GOT1: variants seen among roughly 807,000 people sequenced by gnomAD.
The protein encoded by GOT1 is aspartate aminotransferase, cytoplasmic.
GOT1 carries 25 observed loss-of-function variants against 48.2 expected under a neutral mutation model. The ratio of observed to expected loss-of-function variants is 0.52; its 90% CI spans 0.38 to 0.72. The LOEUF is 0.72. GOT1 is among the 30% of genes least tolerant of loss of function. The pLI is 0.00. For missense variants in GOT1, 380 were observed against 520.1 expected (o/e 0.73, Z 2.62); for synonymous variants, 188 against 193.8 (o/e 0.97, Z 0.25).
At position 99,430,577 on chromosome 10, in the gene GOT1, A is replaced by T; in HGVS notation, c.-12T>A. The T allele has an allele frequency of 2.5e-6, 4 of 1,572,526 alleles. No homozygotes were observed. Among genetic ancestry groups the T allele is most frequent in the Non-Finnish European group, 3.5e-6 (4 of 1,155,132 alleles). ...GACGGAGGTGCCATATCGAGAGACT[A>T]GGAATCAAGAGATTTCACCCCACGC... On this transcript the variant is annotated 5_prime_UTR_variant, in exon 1 of 9. Transcript: ENST00000370508.
chr10:99,405,948 A>G (rs2032749682), intron 4 of GOT1, 88 bp from the exon 5 acceptor site: 1 of 841,220 alleles, frequency 1.2e-6, no homozygotes. Context: ...GATGGAGGGC[A>G]AAGGGCAACC....
intron 2 of GOT1, among the ~76,000 whole-genome samples, chr10:99,418,494 C>CT (rs11394746): frequency 0.88 from 123,199 of 140,608 alleles, 54,020 homozygotes; most frequent in Admixed American, 0.92. Context: ...TCCCCACTTT[C>CT]TTTTTTTTTT....
At chr10:99,401,849 C>G (rs2032683463) in intron 8 of GOT1, among the ~76,000 whole-genome samples, 1 of 150,950 alleles carries the variant, frequency 6.6e-6, no homozygotes, top group African/African-American at 2.4e-5. Flanking sequence ...GCTCTGTCGC[C>G]CAGGCTGGAG....
chr10:99,428,748 G>A (rs2134112554), intron 1 of GOT1, among the ~76,000 whole-genome samples: 1 of 152,306 alleles, frequency 6.6e-6, no homozygotes, highest in Non-Finnish European at 1.5e-5. Context: ...TGGAGGTTTT[G>A]GACTGGTTTT....
intron 1 of GOT1, chr10:99,430,196 C>CT: frequency 9.9e-7 from 1 of 1,008,182 alleles, no homozygotes; most frequent in South Asian, 1.4e-5. Context: ...ATCGGAAAGA[C>CT]TGAGTTTGTG....
intron 2 of GOT1, among the ~76,000 whole-genome samples, chr10:99,407,783 T>TGTTATTTA (rs2032780469): frequency 6.7e-6 from 1 of 148,688 alleles, no homozygotes; most frequent in Non-Finnish European, 1.5e-5. Flanking sequence ...AAAAGCCATA[T>TGTTATTTA]TTTATTTATT....
Position 99,403,836 on chromosome 10 carries a change from C to A in GOT1, c.681G>T (p.Gln227His). The A allele has an allele frequency of 6.2e-7, 1 of 1,614,036 alleles. No individual in the cohort carries two copies. Among genetic ancestry groups the A allele is most frequent in the Non-Finnish European group, 8.5e-7 (1 of 1,180,016 alleles). Residue 227 changes from glutamine to histidine, a missense_variant, in exon 6 of 9, where the codon CAG (glutamine) becomes CAT (histidine). Coordinates refer to ENST00000370508, the MANE Select transcript of GOT1 (RefSeq NM_002079.3). ...FLFPFFDSAY[Q>H]GFASGNLERD... Reference sequence around the variant, plus strand: ...TCTCCAGGTTTCCAGATGCGAAGCCCTGATAGGCTGAGTCAAAGAAGGGGA... The same window carrying A: ...TCTCCAGGTTTCCAGATGCGAAGCCATGATAGGCTGAGTCAAAGAAGGGGA...
At chr10:99,406,917 T>C (rs1287637269) in intron 2 of GOT1, 68 bp from the exon 3 acceptor site, 11 of 1,491,392 alleles carry the variant, frequency 7.4e-6, no homozygotes, top group African/African-American at 6.9e-5. Flanking sequence ...AAAAATAAGG[T>C]AATAATGAGC....
At chr10:99,402,773 C>A in intron 7 of GOT1, 51 bp from the exon 8 acceptor site, 1 of 1,493,146 alleles carries the variant, frequency 6.7e-7, no homozygotes, top group Non-Finnish European at 9.3e-7. Context: ...AAAGATGGTA[C>A]CCGAAAACAC....
At chr10:99,427,241 A>G (rs2033050270) in intron 1 of GOT1, among the ~76,000 whole-genome samples, 1 of 152,084 alleles carries the variant, frequency 6.6e-6, no homozygotes, top group East Asian at 1.9e-4. Flanking sequence ...GTTGACTTTT[A>G]GTACAGTAGA....
rs368064630 is a variant in GOT1, at chr10:99,401,815, C to CT, written c.1102+764dup. ...TCCAACCACCAATCTAGGTTCTTTT[C>CT]TTTTTTTTTTGAGACGGAGTCTCGC... On this transcript the variant is annotated intron_variant, in intron 8 of 8. Coordinates refer to ENST00000370508, the MANE Select transcript of GOT1 (RefSeq NM_002079.3). Among the ~76,000 whole-genome samples the CT allele has an allele frequency of 7.7e-3, 1,133 of 147,926 alleles. 11 individuals are homozygous for CT. The highest frequency in any genetic ancestry group is 0.022 in the African/African-American group (878 of 40,494).
rs1269797636 is a variant in GOT1 at position 99,420,716 on chromosome 10, C to T, written c.208G>A (p.Glu70Lys). ...KIANDNSLNH[E>K]YLPILGLAEF... Reference sequence around the variant, plus strand: ...GCCAGGCCCAGGATTGGCAGATACTCGTGATTTAGGCTATTGTCATTAGCA... The same window carrying T: ...GCCAGGCCCAGGATTGGCAGATACTTGTGATTTAGGCTATTGTCATTAGCA... Residue 70 changes from glutamate (E) to lysine (K), a missense_variant, in exon 2 of 9, where the codon GAG (glutamate) becomes AAG (lysine). By Grantham distance (56) the Glu-to-Lys change is moderately conservative. Coordinates refer to ENST00000370508, the MANE Select transcript of GOT1 (RefSeq NM_002079.3). 7 of 1,613,862 alleles carry T rather than the reference C, an allele frequency of 4.3e-6. No individual in the cohort carries two copies. The highest frequency in any genetic ancestry group is 1.1e-5 in the South Asian group (1 of 91,078).
chr10:99,419,082 T>C (rs1009846217), intron 2 of GOT1, among the ~76,000 whole-genome samples: 1 of 152,190 alleles, frequency 6.6e-6, no homozygotes, highest in Admixed American at 6.5e-5. Context: ...GTGCAACCTT[T>C]ATTGTCCTCT....
rs2032618962 is a variant in GOT1 at position 99,397,685 on chromosome 10, G to A, written c.1104C>T (p.Pro368=). 1 of 1,614,020 alleles carries A rather than the reference G, an allele frequency of 6.2e-7. No homozygotes were observed. Residue 368 remains proline, a splice_region_variant and synonymous_variant, in exon 9 of 9, where the codon CCC becomes CCT. Transcript: ENST00000370508. The surrounding 1 kb of genome is among the most constrained non-coding windows in gnomAD (Gnocchi z 5.4). ...IGMFSFTGLN[P]KQVEYLVNEK... ...CATTGACCAGATACTCAACCTGCTTGGCTGTTGAAAACCAAAAGAAGACAT... is the reference window on the plus strand; with the variant it reads ...CATTGACCAGATACTCAACCTGCTTAGCTGTTGAAAACCAAAAGAAGACAT...
chr10:99,398,488 G>A (rs146513853), intron 8 of GOT1, among the ~76,000 whole-genome samples: 288 of 152,170 alleles, frequency 1.9e-3, no homozygotes, highest in Middle Eastern at 6.8e-3. Context: ...TGGCCAACAT[G>A]CTGAGACCCA....
intron 2 of GOT1, among the ~76,000 whole-genome samples, chr10:99,418,893 C>A (rs2032932988): frequency 1.3e-5 from 2 of 152,184 alleles, no homozygotes; most frequent in South Asian, 4.1e-4. Flanking sequence ...GATTAATAAT[C>A]TCTATACTCT....
At chr10:99,415,558 T>G (rs1022661643) in intron 2 of GOT1, among the ~76,000 whole-genome samples, 1 of 152,066 alleles carries the variant, frequency 6.6e-6, no homozygotes, top group Non-Finnish European at 1.5e-5. Flanking sequence ...TTCCAATCAA[T>G]AGAAAAAGAG....
At chr10:99,415,816 T>C (rs372259067) in intron 2 of GOT1, among the ~76,000 whole-genome samples, 30 of 152,126 alleles carry the variant, frequency 2.0e-4, no homozygotes, top group Admixed American at 3.3e-4. Flanking sequence ...TAATCCAGCA[T>C]ATAAACAGAA....
intron 2 of GOT1, among the ~76,000 whole-genome samples, chr10:99,409,343 G>T (rs1439117611): frequency 6.8e-6 from 1 of 147,708 alleles, no homozygotes; most frequent in African/African-American, 2.6e-5. Flanking sequence ...ATGTTGGTCA[G>T]GCTGCTCTCC....
Sources: allele counts gnomAD v4.1 joint callset (sites outside exome capture counted in the v4.1 genomes callset), GRCh38; gene constraint gnomAD v4.1.1; non-coding constraint Gnocchi (gnomAD v3.1); transcripts MANE v1.5; gene names NCBI Gene and HGNC (gene_info 2026-07-23, HGNC 2026-07-21).